Variants in UNC13B observed in about 807,000 individuals in gnomAD.
UNC13B encodes unc-13 homolog B.
In UNC13B, 144 loss-of-function variants were observed where a neutral mutation model predicts 211.0. The observed-to-expected ratio is 0.68, with a 90% CI of 0.60 to 0.78. The LOEUF (loss-of-function observed/expected upper bound fraction) is 0.78. Ranked by LOEUF, UNC13B falls within the 30% of genes least tolerant of loss-of-function variation. UNC13B has a pLI of 0.00. For missense variants in UNC13B, 1,777 were observed against 2,002.0 expected, an observed-to-expected ratio of 0.89 and a Z score of 2.14; for synonymous variants, 709 against 725.8, an observed-to-expected ratio of 0.98 and a Z score of 0.37.
Position 35,397,073 on chromosome 9 carries a change from TA to T in UNC13B, c.11533-93del, listed in dbSNP as rs962789672. On this transcript the variant is annotated intron_variant, in intron 28 of 39. Coordinates refer to ENST00000635942, the MANE Select transcript of UNC13B (RefSeq NM_001371189.2). ...TCACAGGAGGGCTGTTGAGGGCCAT[TA>T]GCCACTCTTGCTGGTCAGAGCCTTT... is the stretch of plus-strand genomic sequence containing the variant. 2.5e-6 allele frequency: 4 copies of T among 1,601,046 alleles called. No individual in the cohort carries two copies. The African/African-American group carries it at 5.4e-5, about 21-fold the overall frequency.
At chr9:35,320,439 T>G (rs1388486280) in intron 11 of UNC13B, among the ~76,000 whole-genome samples, 1 of 152,232 alleles carries the variant, frequency 6.6e-6, no homozygotes, top group African/African-American at 2.4e-5. Flanking sequence ...AGAGTGGTTT[T>G]CTCTTTCCTA....
intron 11 of UNC13B, among the ~76,000 whole-genome samples, chr9:35,336,750 A>G (rs1297748463): frequency 6.6e-6 from 1 of 152,146 alleles, no homozygotes; most frequent in Non-Finnish European, 1.5e-5. Context: ...TCACCTCCTA[A>G]TGTCATCACC....
Position 35,162,250 on chromosome 9 carries a change from T to G in UNC13B, c.-34T>G, listed in dbSNP as rs751373278. ...GAAAGAGGGAGCGGTCCGGCGCGGC[T>G]GGGGCGCGGCAGAGGCTTGCCCGAT... On this transcript the variant is annotated 5_prime_UTR_variant, in exon 1 of 40. Transcript: ENST00000635942. 1.3e-6 allele frequency: 2 copies of G among 1,542,434 alleles called. No individual in the cohort carries two copies. Among genetic ancestry groups the G allele is most frequent in the Non-Finnish European group, 1.7e-6 (2 of 1,147,098 alleles).
chr9:35,193,702 T>G (rs1462613612), intron 1 of UNC13B, among the ~76,000 whole-genome samples: 1 of 151,762 alleles, frequency 6.6e-6, no homozygotes, highest in African/African-American at 2.4e-5. Context: ...TAAATGGCTG[T>G]TTTCCTGTTG....
chr9:35,243,796 A>T (rs1038239275), intron 6 of UNC13B, among the ~76,000 whole-genome samples: 2 of 152,132 alleles, frequency 1.3e-5, no homozygotes, highest in Non-Finnish European at 2.9e-5. Flanking sequence ...GCTGGTGTGT[A>T]TAAGAGAATG....
intron 11 of UNC13B, among the ~76,000 whole-genome samples, chr9:35,320,525 A>G (rs1216947691): frequency 2.6e-5 from 4 of 152,184 alleles, no homozygotes; most frequent in Non-Finnish European, 4.4e-5. Context: ...TTTAGGTGAA[A>G]TGCTTCCAAC....
intron 1 of UNC13B, among the ~76,000 whole-genome samples, chr9:35,207,102 G>C (rs756212250): frequency 6.6e-6 from 1 of 152,110 alleles, no homozygotes; most frequent in African/African-American, 2.4e-5. Flanking sequence ...GTATATGATG[G>C]TTCCACCTTT....
chr9:35,357,945 C>T (rs75880660), intron 11 of UNC13B, among the ~76,000 whole-genome samples: 2,468 of 152,288 alleles, frequency 0.016, 49 homozygotes, highest in African/African-American at 0.057. Flanking sequence ...ATAGTAACTC[C>T]TCATCCCATC....
chr9:35,352,667 A>G, intron 11 of UNC13B: 1 of 1,232,082 alleles, frequency 8.1e-7, no homozygotes, highest in Admixed American at 4.2e-5. Flanking sequence ...ACTCAAGAAC[A>G]ATTTATCAAA....
At chr9:35,190,575 G>A (rs1822601684) in intron 1 of UNC13B, among the ~76,000 whole-genome samples, 2 of 151,904 alleles carry the variant, frequency 1.3e-5, no homozygotes, top group South Asian at 4.2e-4. Context: ...AACAGGGTCT[G>A]TAGTGCCTCC....
intron 1 of UNC13B, among the ~76,000 whole-genome samples, chr9:35,174,837 C>G (rs554385902): frequency 6.6e-6 from 1 of 151,530 alleles, no homozygotes; most frequent in Non-Finnish European, 1.5e-5. Context: ...CTGCCTGCCT[C>G]AGCCTCCCAA....
At chr9:35,338,714 C>G (rs533882034) in intron 11 of UNC13B, among the ~76,000 whole-genome samples, 1 of 152,120 alleles carries the variant, frequency 6.6e-6, no homozygotes, top group Non-Finnish European at 1.5e-5. Context: ...AGATATTGGC[C>G]GCACCCATCC....
chr9:35,292,394 G>T (rs1173791473), intron 7 of UNC13B, among the ~76,000 whole-genome samples: 1 of 152,054 alleles, frequency 6.6e-6, no homozygotes, highest in East Asian at 1.9e-4. Context: ...ACTACAAAAT[G>T]GTTTCTCAAA....
intron 11 of UNC13B, among the ~76,000 whole-genome samples, chr9:35,343,628 G>GA (rs1222890765): frequency 6.6e-6 from 1 of 152,158 alleles, no homozygotes; most frequent in Non-Finnish European, 1.5e-5. Flanking sequence ...GTGAGCAGGT[G>GA]AAAAGATGAG....
At chr9:35,376,288 A>G (rs765237804) in intron 15 of UNC13B, 41 bp downstream of exon 15, 1 of 1,596,326 alleles carries the variant, frequency 6.3e-7, no homozygotes, top group Admixed American at 1.7e-5. Context: ...GTGGGGCAGC[A>G]GGGGCTTTCC....
intron 22 of UNC13B, chr9:35,385,442 G>A (rs1835126567): frequency 1.0e-6 from 1 of 985,444 alleles, no homozygotes; most frequent in African/African-American, 1.7e-5. Flanking sequence ...GTGCCTGTGT[G>A]TTCCTTTGTA....
intron 11 of UNC13B, among the ~76,000 whole-genome samples, chr9:35,346,175 A>G (rs546038770): frequency 1.4e-4 from 21 of 152,278 alleles, no homozygotes; most frequent in African/African-American, 4.3e-4. Context: ...TATTAGCCAT[A>G]CAACATAATT....
intron 11 of UNC13B, among the ~76,000 whole-genome samples, chr9:35,343,475 G>A (rs544376468): frequency 7.2e-5 from 11 of 152,230 alleles, no homozygotes; most frequent in East Asian, 1.9e-4. Context: ...GGAAAGAAGC[G>A]GGGTACCGTG....
In UNC13B at chr9:35,295,822, T is replaced by G. The variant is rs1241520708; in HGVS notation, c.653T>G (p.Val218Gly). ...AACGCTTCTGTGCACCAGTTCCCTGTGCCGGTGCGATCGCCACAGCAGCTG... is the reference window on the plus strand; with the variant it reads ...AACGCTTCTGTGCACCAGTTCCCTGGGCCGGTGCGATCGCCACAGCAGCTG... ...QPNASVHQFP[V>G]PVRSPQQLLL... The change falls in exon 8 of 40, where the codon GTG (valine) becomes GGG (glycine). Residue 218 changes from valine to glycine, a missense_variant. By Grantham distance (109) the Val-to-Gly change is moderately radical. Coordinates refer to ENST00000635942, the MANE Select transcript of UNC13B (RefSeq NM_001371189.2). 1 of 1,614,180 alleles carries G rather than the reference T, an allele frequency of 6.2e-7. No individual in the cohort carries two copies. The highest frequency in any genetic ancestry group is 1.7e-5 in the Admixed American group (1 of 60,010).
Sources: gnomAD v4.1 joint callset for allele counts (sites outside exome capture counted in the v4.1 genomes callset) on GRCh38, gnomAD v4.1.1 for gene constraint, MANE v1.5 for transcripts, NCBI Gene and HGNC (gene_info 2026-07-23, HGNC 2026-07-21) for gene names.